Variants in NALF1 observed in about 807,000 individuals in gnomAD.
NALF1 encodes the protein NALCN channel auxiliary factor 1.
A neutral mutation model predicts 48.4 loss-of-function variants in NALF1; 3 were observed. The ratio of observed to expected loss-of-function variants is 0.06; its 90% CI spans 0.03 to 0.16. NALF1 has a LOEUF of 0.16. NALF1 is among the 10% of genes least tolerant of loss of function. NALF1 has a pLI of 1.00. For missense variants in NALF1, 526 were observed against 571.5 expected, an observed-to-expected ratio of 0.92 and a Z score of 0.81; for synonymous variants, 262 against 245.7, an observed-to-expected ratio of 1.07 and a Z score of -0.62.
At chr13:107,728,725 A>AAAG (rs1876228491) in intron 1 of NALF1, among the ~76,000 whole-genome samples, 1 of 148,666 alleles carries the variant, frequency 6.7e-6, no homozygotes, top group African/African-American at 2.5e-5. Context: ...TAAATAAAAA[A>AAAG]GAAAAAGAAT....
At chr13:107,670,553 A>T (rs957556576) in intron 1 of NALF1, among the ~76,000 whole-genome samples, 1 of 152,138 alleles carries the variant, frequency 6.6e-6, no homozygotes, top group African/African-American at 2.4e-5. Flanking sequence ...TGTTACATCC[A>T]CAGAGGCCAG....
At chr13:107,741,976 TAAC>T (rs1176154411) in intron 1 of NALF1, among the ~76,000 whole-genome samples, 5 of 152,164 alleles carry the variant, frequency 3.3e-5, no homozygotes, top group Admixed American at 3.3e-4. Context: ...TGGCTAATAA[TAAC>T]AATAACAATC....
chr13:107,393,317 A>G (rs1435128688), intron 1 of NALF1, among the ~76,000 whole-genome samples: 2 of 152,150 alleles, frequency 1.3e-5, no homozygotes, highest in African/African-American at 4.8e-5. Context: ...GTCAAGAAGA[A>G]GGAGGAGAAA....
At chr13:107,805,314 CATCA>C (rs1401179972) in intron 1 of NALF1, among the ~76,000 whole-genome samples, 1 of 152,100 alleles carries the variant, frequency 6.6e-6, no homozygotes. Context: ...GCATATATAT[CATCA>C]ATAATTGACC....
chr13:107,523,095 T>C (rs1876302712), intron 1 of NALF1, among the ~76,000 whole-genome samples: 1 of 152,090 alleles, frequency 6.6e-6, no homozygotes, highest in Non-Finnish European at 1.5e-5. Context: ...CAAAGGGAGA[T>C]GGATGTCAGA....
intron 1 of NALF1, among the ~76,000 whole-genome samples, chr13:107,267,663 C>T (rs1342575518): frequency 2.6e-5 from 4 of 152,122 alleles, no homozygotes; most frequent in South Asian, 4.1e-4. Context: ...CACATACCTA[C>T]GAAGAAGTTT....
chr13:107,607,660 C>T (rs532748152), intron 1 of NALF1, among the ~76,000 whole-genome samples: 6 of 152,294 alleles, frequency 3.9e-5, no homozygotes, highest in Admixed American at 1.3e-4. Flanking sequence ...GTGTCTCCCT[C>T]TCAGAGGCAA....
At chr13:107,344,113 T>C (rs1882732321) in intron 1 of NALF1, among the ~76,000 whole-genome samples, 1 of 151,958 alleles carries the variant, frequency 6.6e-6, no homozygotes, top group Admixed American at 6.6e-5. Flanking sequence ...TTTCCAGAAA[T>C]ATAAAGTCTA....
At chr13:107,230,849 C>T (rs2391410) in intron 1 of NALF1, among the ~76,000 whole-genome samples, 55,106 of 151,648 alleles carry the variant, frequency 0.36, 10,667 homozygotes, top group East Asian at 0.57. Flanking sequence ...CACTTGAGAC[C>T]AGGAATTCAA....
chr13:107,175,100 A>G lies in NALF1; in HGVS notation c.1088-4314T>C, dbSNP rs1432103908. ...GAGACGGGGTTTCATCGTGTTAGCC[A>G]GGATGTTCTCGATCTCCTGACCTCG... On this transcript the variant is annotated intron_variant, in intron 2 of 2. Coordinates refer to ENST00000375915, the MANE Select transcript of NALF1 (RefSeq NM_001080396.3). Among the ~76,000 whole-genome samples, 33 of 134,536 alleles carry G rather than the reference A, an allele frequency of 2.5e-4. 1 individual carries two copies. Among genetic ancestry groups the G allele is most frequent in the African/African-American group, 4.4e-4 (15 of 34,282 alleles). 88.3% of individuals were successfully genotyped at this position (134,536 alleles called of 152,430 possible).
At chr13:107,238,757 G>A (rs1193054112) in intron 1 of NALF1, among the ~76,000 whole-genome samples, 1 of 152,168 alleles carries the variant, frequency 6.6e-6, no homozygotes, top group African/African-American at 2.4e-5. Flanking sequence ...TAAATTGCAG[G>A]GCAGGCAGCA....
At chr13:107,615,111 C>T (rs1317838605) in intron 1 of NALF1, among the ~76,000 whole-genome samples, 2 of 152,168 alleles carry the variant, frequency 1.3e-5, no homozygotes. Context: ...CCATAGACAT[C>T]TGAATATGAT....
At chr13:107,186,299 A>G (rs1206989474) in intron 2 of NALF1, among the ~76,000 whole-genome samples, 2 of 152,142 alleles carry the variant, frequency 1.3e-5, no homozygotes, top group African/African-American at 4.8e-5. Context: ...GACTTTTTCT[A>G]TCATGCTCCA....
chr13:107,294,705 C>T (rs907636796), intron 1 of NALF1, among the ~76,000 whole-genome samples: 19 of 152,336 alleles, frequency 1.2e-4, no homozygotes, highest in African/African-American at 3.6e-4. Context: ...AGCTGGTAAG[C>T]GACCTAGCTG....
At chr13:107,547,347 G>C (rs1228267713) in intron 1 of NALF1, among the ~76,000 whole-genome samples, 1 of 152,026 alleles carries the variant, frequency 6.6e-6, no homozygotes, top group Non-Finnish European at 1.5e-5. Flanking sequence ...TCTTTAATTT[G>C]ACATTATTTA....
At chr13:107,529,984 T>G (rs1223268085) in intron 1 of NALF1, among the ~76,000 whole-genome samples, 3 of 152,118 alleles carry the variant, frequency 2.0e-5, no homozygotes, top group African/African-American at 7.2e-5. Context: ...AAGAGGAAGA[T>G]GACTGTTAAT....
chr13:107,209,438 C>T (rs541094392), intron 2 of NALF1, among the ~76,000 whole-genome samples: 11 of 148,346 alleles, frequency 7.4e-5, no homozygotes, highest in East Asian at 2.0e-4. Context: ...ACCCCGGAGG[C>T]GGAGCTTAAA....
chr13:107,284,400 A>C (rs1291296226), intron 1 of NALF1, among the ~76,000 whole-genome samples: 1 of 152,204 alleles, frequency 6.6e-6, no homozygotes, highest in African/African-American at 2.4e-5. Flanking sequence ...ATGAGGAAGA[A>C]AGGAACTTAC....
chr13:107,222,465 G>T (rs1880014577), intron 1 of NALF1, among the ~76,000 whole-genome samples: 1 of 152,078 alleles, frequency 6.6e-6, no homozygotes, highest in Admixed American at 6.5e-5. Flanking sequence ...CAGAGCACAA[G>T]TGATTGCAAA....
Sources: gnomAD v4.1 joint callset for allele counts (sites outside exome capture counted in the v4.1 genomes callset) on GRCh38, gnomAD v4.1.1 for gene constraint, MANE v1.5 for transcripts, NCBI Gene and HGNC (gene_info 2026-07-23, HGNC 2026-07-21) for gene names.